Variants in TIPARP observed in about 807,000 individuals in gnomAD.
The protein encoded by TIPARP is TCDD inducible poly(ADP-ribose) polymerase, also known as protein mono-ADP-ribosyltransferase TIPARP.
Under a neutral mutation model 56.5 loss-of-function variants are expected in TIPARP, and 12 were observed. That is an observed-to-expected ratio of 0.21 (90% CI 0.14 to 0.34). The LOEUF (loss-of-function observed/expected upper bound fraction) is 0.34. Among genes scored for constraint, TIPARP ranks in the 10% least tolerant of loss-of-function variants. TIPARP has a pLI of 1.00. For synonymous variants in TIPARP, 296 were observed against 265.7 expected (o/e 1.11, Z -1.11); for missense variants, 604 against 781.6 (o/e 0.77, Z 2.71).
intron 4 of TIPARP, among the ~76,000 whole-genome samples, chr3:156,699,776 T>C (rs142105203): frequency 2.0e-5 from 3 of 152,348 alleles, no homozygotes; most frequent in Admixed American, 6.5e-5. Context: ...AAAAATTTTC[T>C]ATTTTAATCT....
chr3:156,701,202 G>A (rs765290077), intron 4 of TIPARP, among the ~76,000 whole-genome samples: 3 of 152,108 alleles, frequency 2.0e-5, no homozygotes, highest in Non-Finnish European at 4.4e-5. Context: ...TATTTATCTC[G>A]GCTCATCTTC....
At chr3:156,681,833 AT>A in intron 2 of TIPARP, among the ~76,000 whole-genome samples, 1 of 152,218 alleles carries the variant, frequency 6.6e-6, no homozygotes, top group South Asian at 2.1e-4. Context: ...TACTTCCCAG[AT>A]ATAGATGCTG....
At chr3:156,693,771 G>A (rs574473027) in intron 2 of TIPARP, among the ~76,000 whole-genome samples, 3 of 152,278 alleles carry the variant, frequency 2.0e-5, no homozygotes, top group East Asian at 3.9e-4. Flanking sequence ...GGTGCTGTGG[G>A]GTTAAATCAA....
At position 156,674,622 on chromosome 3, in the gene TIPARP, T is replaced by C. The variant is rs1722064467; in HGVS notation, c.-216T>C. ...GAGGTGACAGGCGAGCTGGCTGGACTCGGAGCGCGGTCGAGGCTTTCTGCG... is the reference window on the plus strand; with the variant it reads ...GAGGTGACAGGCGAGCTGGCTGGACCCGGAGCGCGGTCGAGGCTTTCTGCG... On this transcript the variant is annotated 5_prime_UTR_variant, in exon 1 of 6. Transcript: ENST00000295924. The C allele has an allele frequency of 6.6e-6, 1 of 152,656 alleles. No individual in the cohort carries two copies. The highest frequency in any genetic ancestry group is 6.5e-5 in the Admixed American group (1 of 15,290). 9.5% of individuals were successfully genotyped at this position (152,656 alleles called of 1,614,324 possible).
rs771483172 is a variant in TIPARP at position 156,678,069 on chromosome 3, C to G, written c.372C>G (p.Ala124=). ...ATGTTGGGGACCAGATACCGGAAGC[C>G]CATCCTTCCACTGAAGCTCCAGAAC... is the stretch of plus-strand genomic sequence containing the variant. ...RTNVGDQIPE[A]HPSTEAPERV... is the part of the protein sequence containing the mutation. Residue 124 remains alanine, a synonymous_variant, in exon 2 of 6, where the codon GCC becomes GCG. Coordinates refer to ENST00000295924, the MANE Select transcript of TIPARP (RefSeq NM_015508.5). 1.9e-6 allele frequency: 3 copies of G among 1,613,928 alleles called. No homozygotes were observed. The Admixed American group carries it at 5.0e-5, about 27-fold the overall frequency.
chr3:156,681,133 A>G (rs941145282), intron 2 of TIPARP: 5 of 456,506 alleles, frequency 1.1e-5, no homozygotes, highest in African/African-American at 1.0e-4. Flanking sequence ...AACAAGATGC[A>G]GATAACGGCA....
chr3:156,701,775 T>TG (rs1722848565), intron 4 of TIPARP, among the ~76,000 whole-genome samples: 1 of 152,214 alleles, frequency 6.6e-6, no homozygotes, highest in African/African-American at 2.4e-5. Flanking sequence ...TGCCTTTTGT[T>TG]GTGAAGGTTG....
At chr3:156,686,569 A>G (rs1722433483) in intron 2 of TIPARP, among the ~76,000 whole-genome samples, 1 of 152,198 alleles carries the variant, frequency 6.6e-6, no homozygotes, top group Non-Finnish European at 1.5e-5. Context: ...TAAGTCACCA[A>G]TGAGTATATT....
At chr3:156,678,796 G>A (rs188344573) in intron 2 of TIPARP, among the ~76,000 whole-genome samples, 182 bp downstream of exon 2, 10 of 151,924 alleles carry the variant, frequency 6.6e-5, no homozygotes, top group Admixed American at 3.3e-4. Context: ...TAACTCAACC[G>A]GACAATGAAA....
Position 156,705,298 on chromosome 3 carries a change from G to C in TIPARP, c.*167G>C. On this transcript the variant is annotated 3_prime_UTR_variant, in exon 6 of 6. Coordinates refer to ENST00000295924, the MANE Select transcript of TIPARP (RefSeq NM_015508.5). ...TGCTTTTTTTAAAAAAAAAATACAA[G>C]TTTTAAAATGACCACTTACTCTTTA... The C allele has an allele frequency of 1.8e-6, 1 of 563,256 alleles. No homozygotes were observed. The highest frequency in any genetic ancestry group is 3.1e-6 in the Non-Finnish European group (1 of 327,034). The allele number at this position is 563,256 out of a possible 1,614,324, so 34.9% of individuals were successfully genotyped here. A position where few individuals can be genotyped will look rare whatever the true frequency, so the allele number is the denominator to read the frequency against.
intron 4 of TIPARP, among the ~76,000 whole-genome samples, chr3:156,701,337 C>G (rs1175055121): frequency 1.3e-5 from 2 of 152,216 alleles, no homozygotes; most frequent in African/African-American, 4.8e-5. Context: ...AGAATCTCTT[C>G]TGTTGTCACG....
intron 4 of TIPARP, among the ~76,000 whole-genome samples, chr3:156,697,083 G>T (rs573896933): frequency 9.2e-5 from 14 of 152,240 alleles, no homozygotes; most frequent in African/African-American, 3.1e-4. Context: ...ATATATATTG[G>T]ATTGGGTTAA....
Position 156,674,783 on chromosome 3 carries a change from A to G in TIPARP, c.-55A>G. On this transcript the variant is annotated 5_prime_UTR_variant, in exon 1 of 6. Transcript: ENST00000295924. ...CTCGGCTCCTGTCGTCCGTTCTCTCAGGCTCCCGTTCAGGTAAAGGGCTCC... is the reference window on the plus strand; with the variant it reads ...CTCGGCTCCTGTCGTCCGTTCTCTCGGGCTCCCGTTCAGGTAAAGGGCTCC... 6.6e-6 allele frequency: 1 copy of G among 152,308 alleles called. No individual in the cohort carries two copies. The highest frequency in any genetic ancestry group is 1.5e-5 in the Non-Finnish European group (1 of 68,090). 9.4% of individuals were successfully genotyped at this position (152,308 alleles called of 1,614,324 possible). A position where few individuals can be genotyped will look rare whatever the true frequency, so the allele number is the denominator to read the frequency against.
intron 4 of TIPARP, among the ~76,000 whole-genome samples, chr3:156,697,987 C>G (rs926888890): frequency 6.6e-6 from 1 of 152,186 alleles, no homozygotes; most frequent in East Asian, 1.9e-4. Flanking sequence ...AAGTGCTACT[C>G]TGGTAAGCAC....
intron 1 of TIPARP, among the ~76,000 whole-genome samples, chr3:156,676,424 G>A (rs1722128328): frequency 6.6e-6 from 1 of 152,062 alleles, no homozygotes; most frequent in African/African-American, 2.4e-5. Flanking sequence ...ATTCACTTTT[G>A]GGGACACTCA....
chr3:156,705,409 C>T lies in TIPARP; in HGVS notation c.*278C>T, dbSNP rs1267515938. 1 of 242,300 alleles carries T rather than the reference C, an allele frequency of 4.1e-6. No homozygotes were observed. Among genetic ancestry groups the T allele is most frequent in the Non-Finnish European group, 8.0e-6 (1 of 125,316 alleles). 15.0% of individuals were successfully genotyped at this position (242,300 alleles called of 1,614,324 possible). A position where few individuals can be genotyped will look rare whatever the true frequency, so the allele number is the denominator to read the frequency against. ...CATTCACACTTGTACATATAGACAG[C>T]AATGTTATTAGGAGCATTAAATTAA... On this transcript the variant is annotated 3_prime_UTR_variant, in exon 6 of 6. Transcript: ENST00000295924.
intron 1 of TIPARP, chr3:156,675,651 G>C (rs1445521378): frequency 6.6e-6 from 1 of 152,288 alleles, no homozygotes; most frequent in African/African-American, 2.4e-5. Context: ...GCGGCCAACA[G>C]GAGGCGTCAC....
In TIPARP at chr3:156,706,163, T is replaced by TA. The variant is rs1364666270; in HGVS notation, c.*1033dup. 1.3e-5 allele frequency: 2 copies of TA among 152,660 alleles called. No homozygotes were observed. The highest frequency in any genetic ancestry group is 2.9e-5 in the Non-Finnish European group (2 of 68,030). The allele number at this position is 152,660 out of a possible 1,614,324, so 9.5% of individuals were successfully genotyped here. On this transcript the variant is annotated 3_prime_UTR_variant, in exon 6 of 6. Transcript: ENST00000295924. Reference sequence around the variant, plus strand: ...TCCCTGGCTGACTCTGTACCTTACTTACACTACTTACTTAATAGAAACACA... The same window carrying TA: ...TCCCTGGCTGACTCTGTACCTTACTTAACACTACTTACTTAATAGAAACACA...
At chr3:156,696,121 G>A in intron 4 of TIPARP, 96 bp downstream of exon 4, 1 of 1,369,506 alleles carries the variant, frequency 7.3e-7, no homozygotes, top group Non-Finnish European at 9.9e-7. Flanking sequence ...GTCTACCTTG[G>A]TTAGTACTCC....
Sources: gnomAD v4.1 joint callset for allele counts (sites outside exome capture counted in the v4.1 genomes callset) on GRCh38, gnomAD v4.1.1 for gene constraint, MANE v1.5 for transcripts, NCBI Gene and HGNC (gene_info 2026-07-23, HGNC 2026-07-21) for gene names.